Variants in ABRAXAS2 observed in about 807,000 individuals in gnomAD.
ABRAXAS2 encodes the protein BRISC complex subunit Abraxas 2.
ABRAXAS2 carries 23 observed loss-of-function variants against 49.0 expected under a neutral mutation model. The observed-to-expected ratio is 0.47, with a 90% CI of 0.34 to 0.66. The LOEUF is 0.66. ABRAXAS2 is among the 30% of genes least tolerant of loss of function. The pLI, the probability that ABRAXAS2 is intolerant of heterozygous loss-of-function variation, is 0.01. For synonymous variants in ABRAXAS2, 168 were observed against 180.2 expected, an observed-to-expected ratio of 0.93 and a Z score of 0.54; for missense variants, 443 against 511.9, an observed-to-expected ratio of 0.87 and a Z score of 1.30.
intron 7 of ABRAXAS2, among the ~76,000 whole-genome samples, chr10:124,830,760 C>G (rs1950927859): frequency 6.6e-6 from 1 of 152,188 alleles, no homozygotes; most frequent in Non-Finnish European, 1.5e-5. Flanking sequence ...CAGCACTGGC[C>G]AAAAGTGGCT....
At chr10:124,822,966 T>G (rs997989581) in intron 4 of ABRAXAS2, among the ~76,000 whole-genome samples, 2 of 152,200 alleles carry the variant, frequency 1.3e-5, no homozygotes, top group Admixed American at 6.6e-5. Context: ...CTCAAAACAG[T>G]TAAAAGTTGG....
chr10:124,823,499 G>C (rs541974167), intron 4 of ABRAXAS2, among the ~76,000 whole-genome samples: 172 of 152,324 alleles, frequency 1.1e-3, no homozygotes, highest in African/African-American at 4.0e-3. Flanking sequence ...AGGAGGATTC[G>C]TGCTTTCCGG....
At chr10:124,809,060 G>A (rs1294835445) in intron 2 of ABRAXAS2, among the ~76,000 whole-genome samples, 1 of 152,058 alleles carries the variant, frequency 6.6e-6, no homozygotes, top group Non-Finnish European at 1.5e-5. Flanking sequence ...GAACCTGGGA[G>A]GCGGAGGTTG....
intron 4 of ABRAXAS2, among the ~76,000 whole-genome samples, chr10:124,822,195 TA>T (rs1950865858): frequency 6.6e-6 from 1 of 152,168 alleles, no homozygotes; most frequent in Admixed American, 6.6e-5. Flanking sequence ...GGCGCTTCCA[TA>T]CTATGGGAGA....
chr10:124,811,835 G>A (rs1365643260), intron 2 of ABRAXAS2, among the ~76,000 whole-genome samples: 1 of 152,138 alleles, frequency 6.6e-6, no homozygotes, highest in Non-Finnish European at 1.5e-5. Context: ...GAATGCAATG[G>A]CGCACAATCT....
chr10:124,811,342 G>A (rs1259083007), intron 2 of ABRAXAS2, among the ~76,000 whole-genome samples: 1 of 152,186 alleles, frequency 6.6e-6, no homozygotes, highest in African/African-American at 2.4e-5. Context: ...GCCACCTGCA[G>A]TTAACGGACA....
At chr10:124,832,273 CACCA>C (rs1950938531) in intron 8 of ABRAXAS2, among the ~76,000 whole-genome samples, 2 of 152,090 alleles carry the variant, frequency 1.3e-5, no homozygotes, top group Non-Finnish European at 2.9e-5. Context: ...GATGAATAGA[CACCA>C]TTAGGCTAAG....
At chr10:124,816,053 C>T (rs1412437879) in intron 2 of ABRAXAS2, among the ~76,000 whole-genome samples, 1 of 152,068 alleles carries the variant, frequency 6.6e-6, no homozygotes, top group African/African-American at 2.4e-5. Flanking sequence ...CAGGCGCCCG[C>T]CACCACGCCC....
intron 4 of ABRAXAS2, among the ~76,000 whole-genome samples, chr10:124,825,212 G>A (rs1564923529): frequency 6.6e-6 from 1 of 151,736 alleles, no homozygotes; most frequent in Non-Finnish European, 1.5e-5. Flanking sequence ...CAGCTGCTCG[G>A]GAGGCTGAAG....
intron 1 of ABRAXAS2, among the ~76,000 whole-genome samples, chr10:124,802,123 G>A (rs546043551): frequency 6.6e-6 from 1 of 152,192 alleles, no homozygotes. Context: ...TCAGCCGCTC[G>A]GCCGTCCCGG....
intron 1 of ABRAXAS2, among the ~76,000 whole-genome samples, chr10:124,804,709 T>C (rs1031929124): frequency 3.9e-5 from 5 of 127,890 alleles, no homozygotes; most frequent in African/African-American, 1.1e-4. Context: ...ATATTTCTTT[T>C]TTTCTTTCTT....
rs1304731002 is a variant in ABRAXAS2 at position 124,801,913 on chromosome 10, G to GC, written c.72+17dup. On this transcript the variant is annotated intron_variant, in intron 1 of 8. Transcript: ENST00000298492. ...GCAACGCGGACCACGTAGGTGCCGG[G>GC]CCCCCTGCCGCGCCCGCTGGGGGCT... The GC allele has an allele frequency of 6.2e-7, 1 of 1,610,814 alleles. No individual in the cohort carries two copies. The highest frequency in any genetic ancestry group is 1.3e-5 in the African/African-American group (1 of 74,656).
chr10:124,803,405 A>C (rs1160459013), intron 1 of ABRAXAS2, among the ~76,000 whole-genome samples: 2 of 152,210 alleles, frequency 1.3e-5, no homozygotes, highest in South Asian at 2.1e-4. Context: ...AGAACCAACA[A>C]TTTACTTTTG....
At chr10:124,818,551 G>A (rs1403487058) in intron 3 of ABRAXAS2, among the ~76,000 whole-genome samples, 3 of 152,192 alleles carry the variant, frequency 2.0e-5, no homozygotes, top group Admixed American at 2.0e-4. Context: ...AAACAGAACT[G>A]GAGCTGGAGC....
At chr10:124,817,288 C>T (rs987364290) in intron 3 of ABRAXAS2, among the ~76,000 whole-genome samples, 2 of 151,814 alleles carry the variant, frequency 1.3e-5, no homozygotes, top group African/African-American at 4.8e-5. Flanking sequence ...AAGGACAGAA[C>T]GAAAAAGAAA....
At chr10:124,815,408 A>G (rs2134163191) in intron 2 of ABRAXAS2, among the ~76,000 whole-genome samples, 1 of 151,314 alleles carries the variant, frequency 6.6e-6, no homozygotes, top group South Asian at 2.1e-4. Flanking sequence ...GTTAGCCAGG[A>G]TGGTCTCGAT....
intron 8 of ABRAXAS2, among the ~76,000 whole-genome samples, chr10:124,834,133 C>T (rs905309063): frequency 6.6e-6 from 1 of 152,134 alleles, no homozygotes; most frequent in African/African-American, 2.4e-5. Context: ...AGCCCCACGC[C>T]AGGGAACCAG....
At chr10:124,816,953 G>A (rs1950828432) in intron 3 of ABRAXAS2, among the ~76,000 whole-genome samples, 1 of 152,190 alleles carries the variant, frequency 6.6e-6, no homozygotes, top group South Asian at 2.1e-4. Flanking sequence ...GTAAGAAAAA[G>A]GAGCATAAAA....
chr10:124,817,745 C>T (rs1950834563), intron 3 of ABRAXAS2, among the ~76,000 whole-genome samples: 1 of 152,092 alleles, frequency 6.6e-6, no homozygotes, highest in African/African-American at 2.4e-5. Context: ...GTCATATTCA[C>T]CCTCGAACAT....
Sources: allele counts gnomAD v4.1 joint callset (sites outside exome capture counted in the v4.1 genomes callset), GRCh38; gene constraint gnomAD v4.1.1; transcripts MANE v1.5; gene names NCBI Gene and HGNC (gene_info 2026-07-23, HGNC 2026-07-21).